PER3: variants seen among roughly 807,000 people sequenced by gnomAD.
PER3 encodes period circadian regulator 3.
In PER3, 107 loss-of-function variants were observed where a neutral mutation model predicts 127.2. That is an observed-to-expected ratio of 0.84 (90% CI 0.72 to 0.99). The LOEUF (loss-of-function observed/expected upper bound fraction) is 0.99. PER3 is among the 50% of genes least tolerant of loss of function. PER3 has a pLI of 0.00. For synonymous variants in PER3, 618 were observed against 585.8 expected (o/e 1.05, Z -0.79); for missense variants, 1,560 against 1,525.8 (o/e 1.02, Z -0.37).
At chr1:7,794,147 T>C in intron 6 of PER3, 139 bp downstream of exon 6, 1 of 737,700 alleles carries the variant, frequency 1.4e-6, no homozygotes, top group Non-Finnish European at 2.4e-6. Flanking sequence ...CCACAAGGAG[T>C]TCGTATTTTG....
At chr1:7,811,416 T>C (rs2097218810) in intron 13 of PER3, 1 of 147,124 alleles carries the variant, frequency 6.8e-6, no homozygotes, top group Non-Finnish European at 1.5e-5. Flanking sequence ...ACTGGGAACT[T>C]TCTTAGTTTG....
intron 21 of PER3, among the ~76,000 whole-genome samples, chr1:7,840,171 G>A (rs1050721224): frequency 2.0e-5 from 3 of 151,874 alleles, no homozygotes; most frequent in African/African-American, 7.3e-5. Flanking sequence ...AATCCCTCTA[G>A]TGAATTTTTC....
intron 21 of PER3, among the ~76,000 whole-genome samples, chr1:7,839,171 G>C (rs1229082188): frequency 6.6e-6 from 1 of 152,158 alleles, no homozygotes; most frequent in Non-Finnish European, 1.5e-5. Context: ...TATCACTCCA[G>C]TGTGTAATTT....
rs2097331603 is a variant in PER3, at chr1:7,831,532, G to C, written c.3214+1371G>C. On this transcript the variant is annotated intron_variant, in intron 19 of 21. Transcript: ENST00000377532. Reference sequence around the variant, plus strand: ...CACTTGCCTGGTTCACAGTCTTAAGGGGAAAGCAGTCAGTGTTTCACCATT... The same window carrying C: ...CACTTGCCTGGTTCACAGTCTTAAGCGGAAAGCAGTCAGTGTTTCACCATT... 2.0e-5 allele frequency among the ~76,000 whole-genome samples: 3 copies of C among 152,106 alleles called. No individual in the cohort carries two copies. The South Asian group carries it at 6.2e-4, about 32-fold the overall frequency.
intron 21 of PER3, among the ~76,000 whole-genome samples, chr1:7,840,235 T>C (rs1272534073): frequency 1.3e-5 from 2 of 152,166 alleles, no homozygotes; most frequent in African/African-American, 4.8e-5. Flanking sequence ...TCTTTTTAGG[T>C]TTACTATCTC....
At chr1:7,815,723 C>T (rs370243456) in intron 13 of PER3, among the ~76,000 whole-genome samples, 95 of 152,050 alleles carry the variant, frequency 6.2e-4, no homozygotes, top group African/African-American at 1.6e-3. Context: ...CAGTGGCTCA[C>T]GCCTGTAATC....
chr1:7,794,145 A>G (rs181523753), intron 6 of PER3, 137 bp downstream of exon 6: 268 of 745,612 alleles, frequency 3.6e-4, no homozygotes, highest in Middle Eastern at 1.2e-3. Context: ...TGCCACAAGG[A>G]GTTCGTATTT....
chr1:7,841,526 C>T (rs1578002363), intron 21 of PER3, among the ~76,000 whole-genome samples: 1 of 152,124 alleles, frequency 6.6e-6, no homozygotes, highest in East Asian at 1.9e-4. Flanking sequence ...AAATTGACCA[C>T]AGGCAACCAC....
chr1:7,798,092 TAGAG>T (rs1258890708), intron 6 of PER3, among the ~76,000 whole-genome samples: 1 of 152,186 alleles, frequency 6.6e-6, no homozygotes, highest in Non-Finnish European at 1.5e-5. Context: ...AATTGGTTCT[TAGAG>T]AGTGTAGAAA....
At chr1:7,817,654 C>T (rs893741796) in intron 13 of PER3, among the ~76,000 whole-genome samples, 7 of 152,060 alleles carry the variant, frequency 4.6e-5, no homozygotes, top group Non-Finnish European at 7.4e-5. Flanking sequence ...TGGATTGGCG[C>T]GAACAGTTTC....
At chr1:7,800,757 G>A (rs2097167007) in intron 7 of PER3, among the ~76,000 whole-genome samples, 1 of 150,922 alleles carries the variant, frequency 6.6e-6, no homozygotes, top group Non-Finnish European at 1.5e-5. Context: ...AACCTGGGAG[G>A]TGGAGGTTGC....
chr1:7,798,738 C>T (rs1010924800), intron 7 of PER3, 65 bp downstream of exon 7: 102 of 1,364,802 alleles, frequency 7.5e-5, no homozygotes, highest in Non-Finnish European at 9.0e-5. Flanking sequence ...AGTCTGTTTA[C>T]GTCAGTCATA....
intron 10 of PER3, among the ~76,000 whole-genome samples, chr1:7,806,237 C>T (rs188174720): frequency 1.3e-4 from 20 of 152,256 alleles, no homozygotes; most frequent in African/African-American, 4.3e-4. Context: ...TCCTTCCCAG[C>T]AGCACTGCAG....
intron 14 of PER3, 61 bp from the exon 15 acceptor site, chr1:7,820,051 AGAG>A: frequency 6.5e-7 from 1 of 1,546,328 alleles, no homozygotes; most frequent in Non-Finnish European, 8.8e-7. Flanking sequence ...AGAAAAGCAA[AGAG>A]GTGGGAAATG....
intron 21 of PER3, among the ~76,000 whole-genome samples, chr1:7,842,248 A>T (rs901932302): frequency 1.3e-5 from 2 of 151,952 alleles, no homozygotes; most frequent in African/African-American, 4.8e-5. Context: ...ACTACCTGTA[A>T]TCTCAGCAGT....
intron 5 of PER3, among the ~76,000 whole-genome samples, chr1:7,792,860 C>G (rs1056520669): frequency 6.6e-6 from 1 of 152,196 alleles, no homozygotes; most frequent in Non-Finnish European, 1.5e-5. Flanking sequence ...CGTCTGCTGT[C>G]TTAGATCACG....
intron 6 of PER3, among the ~76,000 whole-genome samples, chr1:7,796,595 G>A (rs1487157848): frequency 2.0e-5 from 3 of 152,086 alleles, no homozygotes; most frequent in South Asian, 2.1e-4. Context: ...GATTACAGGC[G>A]TGAGCCACCA....
intron 21 of PER3, among the ~76,000 whole-genome samples, chr1:7,841,417 T>C (rs2097387782): frequency 1.3e-5 from 2 of 152,114 alleles, no homozygotes; most frequent in African/African-American, 4.8e-5. Flanking sequence ...GGGGTCCTTA[T>C]TGCCCACTCT....
Position 7,788,167 on chromosome 1 carries a change from T to G in PER3, c.513T>G (p.Leu171=). The G allele has an allele frequency of 1.2e-6, 2 of 1,614,026 alleles. No individual in the cohort carries two copies. The highest frequency in any genetic ancestry group is 1.7e-6 in the Non-Finnish European group (2 of 1,179,888). ...CGTCTTCTCACTTTGTTGACCTGCT[T>G]GCACCTCAAGACATGAGGGTATTCT... ...VLASSHFVDL[L]APQDMRVFYA... is the part of the protein sequence containing the mutation. The change falls in exon 5 of 22, where the codon CTT becomes CTG. Residue 171 remains leucine, a synonymous_variant. Transcript: ENST00000377532.
Sources: gnomAD v4.1 joint callset for allele counts (sites outside exome capture counted in the v4.1 genomes callset) on GRCh38, gnomAD v4.1.1 for gene constraint, MANE v1.5 for transcripts, NCBI Gene and HGNC (gene_info 2026-07-23, HGNC 2026-07-21) for gene names.